NCAM2: variants seen among roughly 807,000 people sequenced by gnomAD.
The protein encoded by NCAM2 is N-CAM-2.
Under a neutral mutation model 98.1 loss-of-function variants are expected in NCAM2, and 30 were observed. The observed-to-expected ratio is 0.31, with a 90% confidence interval of 0.23 to 0.41. The LOEUF is 0.41. Ranked by LOEUF, NCAM2 falls within the 10% of genes least tolerant of loss-of-function variation. The probability of loss-of-function intolerance (pLI) is 1.00; values close to 1 mark genes in which losing one functional copy is unlikely to be tolerated. For missense variants in NCAM2, 867 were observed against 1,005.8 expected, an observed-to-expected ratio of 0.86 and a Z score of 1.87; for synonymous variants, 368 against 342.4, an observed-to-expected ratio of 1.07 and a Z score of -0.83.
At chr21:21,207,489 C>G in intron 1 of NCAM2, among the ~76,000 whole-genome samples, 1 of 484 alleles carries the variant, frequency 2.1e-3, no homozygotes, top group Non-Finnish European at 4.6e-3. Context: ...GACTGTAACA[C>G]AGAGAAACAA....
chr21:21,180,657 A>T (rs1285062337), intron 1 of NCAM2, among the ~76,000 whole-genome samples: 1 of 152,132 alleles, frequency 6.6e-6, no homozygotes, highest in Non-Finnish European at 1.5e-5. Flanking sequence ...TACATTAAAG[A>T]TTAGTTTTTT....
intron 1 of NCAM2, among the ~76,000 whole-genome samples, chr21:21,191,795 A>G (rs2068832656): frequency 6.6e-6 from 1 of 152,224 alleles, no homozygotes; most frequent in South Asian, 2.1e-4. Context: ...AATGAGAACA[A>G]GAGAGATGAG....
chr21:21,367,450 T>C (rs1434985867), intron 8 of NCAM2, among the ~76,000 whole-genome samples: 1 of 151,994 alleles, frequency 6.6e-6, no homozygotes. Context: ...AAATATATTA[T>C]GTATTGGCCA....
intron 1 of NCAM2, among the ~76,000 whole-genome samples, chr21:21,227,997 T>G (rs1315789164): frequency 6.6e-6 from 1 of 151,718 alleles, no homozygotes; most frequent in African/African-American, 2.4e-5. Flanking sequence ...AGAAAAATGA[T>G]AAAAGCTCAG....
chr21:21,215,585 G>A (rs2069861544), intron 1 of NCAM2, among the ~76,000 whole-genome samples: 1 of 151,954 alleles, frequency 6.6e-6, no homozygotes, highest in African/African-American at 2.4e-5. Flanking sequence ...AAAATTAGCC[G>A]GGCGTGGTGG....
At chr21:21,306,466 C>T (rs997587304) in intron 5 of NCAM2, among the ~76,000 whole-genome samples, 1 of 152,078 alleles carries the variant, frequency 6.6e-6, no homozygotes, top group Non-Finnish European at 1.5e-5. Flanking sequence ...GCTCCAATAC[C>T]TGAGTGTTAG....
intron 1 of NCAM2, among the ~76,000 whole-genome samples, chr21:21,079,455 T>C (rs905262566): frequency 5.3e-5 from 8 of 152,156 alleles, no homozygotes; most frequent in Non-Finnish European, 1.2e-4. Flanking sequence ...TTCATGAAAA[T>C]TGTGCTAAAA....
chr21:21,320,674 A>G (rs971295872), intron 5 of NCAM2, among the ~76,000 whole-genome samples: 2 of 152,186 alleles, frequency 1.3e-5, no homozygotes, highest in Non-Finnish European at 2.9e-5. Flanking sequence ...TGATGAATGC[A>G]TTCTCCATAA....
chr21:21,535,877 C>T (rs938654430), intron 17 of NCAM2, among the ~76,000 whole-genome samples: 3 of 152,120 alleles, frequency 2.0e-5, no homozygotes, highest in African/African-American at 4.8e-5. Flanking sequence ...TTTACCTATA[C>T]GTAAGTGGTG....
At chr21:21,486,320 A>AAC (rs1986377246) in intron 15 of NCAM2, among the ~76,000 whole-genome samples, 1 of 151,044 alleles carries the variant, frequency 6.6e-6, no homozygotes, top group Non-Finnish European at 1.5e-5. Flanking sequence ...AAAAAAAAAA[A>AAC]AAAAAAAACT....
chr21:21,108,972 G>A (rs182112685), intron 1 of NCAM2, among the ~76,000 whole-genome samples: 50 of 152,206 alleles, frequency 3.3e-4, no homozygotes, highest in African/African-American at 1.2e-3. Context: ...ATTGACTACA[G>A]TTATGATAAT....
chr21:21,124,449 G>A (rs761012856), intron 1 of NCAM2, among the ~76,000 whole-genome samples: 2 of 152,114 alleles, frequency 1.3e-5, no homozygotes, highest in Non-Finnish European at 2.9e-5. Context: ...TTCAGAAGCT[G>A]GAGTAGGCCT....
chr21:21,033,250 G>T (rs1374967025), intron 1 of NCAM2, among the ~76,000 whole-genome samples: 1 of 152,092 alleles, frequency 6.6e-6, no homozygotes, highest in African/African-American at 2.4e-5. Context: ...CACCTGGCCG[G>T]TTTCTTGGTT....
chr21:21,235,622 A>C (rs1219944887), intron 1 of NCAM2, among the ~76,000 whole-genome samples: 1 of 152,078 alleles, frequency 6.6e-6, no homozygotes, highest in African/African-American at 2.4e-5. Context: ...AATTGAAATA[A>C]AAATTTCAAT....
chr21:21,209,239 T>C (rs1175466595), intron 1 of NCAM2, among the ~76,000 whole-genome samples: 1 of 152,010 alleles, frequency 6.6e-6, no homozygotes, highest in East Asian at 1.9e-4. Flanking sequence ...ACTTACGAGA[T>C]TGGTCTTGCT....
At chr21:21,406,450 G>A (rs367908810) in intron 9 of NCAM2, among the ~76,000 whole-genome samples, 1 of 152,300 alleles carries the variant, frequency 6.6e-6, no homozygotes, top group South Asian at 2.1e-4. Flanking sequence ...GGATTTGGCA[G>A]GATTCTTTGC....
At chr21:21,272,587 A>G (rs1236331549) in intron 1 of NCAM2, among the ~76,000 whole-genome samples, 4 of 152,068 alleles carry the variant, frequency 2.6e-5, no homozygotes, top group Non-Finnish European at 4.4e-5. Flanking sequence ...ATTTTGCAGA[A>G]TATTCACTAG....
chr21:21,543,005 G>A lies in NCAM2; in HGVS notation c.*5048G>A, dbSNP rs896737197. The stretch of plus-strand genomic sequence containing the variant: ...AGAAATATGTGAAGTTAGAAATAAA[G>A]GTTTTTTTAAAAAAAAAGCTTTTTT... On this transcript the variant is annotated 3_prime_UTR_variant, in exon 18 of 18. Transcript: ENST00000400546. 4.8e-5 allele frequency: 4 copies of A among 82,920 alleles called. No homozygotes were observed. In the Admixed American group the frequency reaches 5.6e-4, roughly 12 times the overall value. 5.1% of individuals were successfully genotyped at this position (82,920 alleles called of 1,614,324 possible).
chr21:21,021,193 T>G (rs914537045), intron 1 of NCAM2, among the ~76,000 whole-genome samples: 7 of 152,086 alleles, frequency 4.6e-5, no homozygotes, highest in Non-Finnish European at 8.8e-5. Context: ...ATTTTTTTTT[T>G]GTAAATTCTT....
Sources: gnomAD v4.1 joint callset for allele counts (sites outside exome capture counted in the v4.1 genomes callset) on GRCh38, gnomAD v4.1.1 for gene constraint, MANE v1.5 for transcripts, NCBI Gene and HGNC (gene_info 2026-07-23, HGNC 2026-07-21) for gene names.